Variants in TBC1D32 observed in about 807,000 individuals in gnomAD.
TBC1D32 encodes the protein protein broad-minded.
Under a neutral mutation model 170.3 loss-of-function variants are expected in TBC1D32, and 151 were observed. The ratio of observed to expected loss-of-function variants is 0.89; its 90% CI spans 0.78 to 1.01. The LOEUF (loss-of-function observed/expected upper bound fraction) is 1.01, where lower values mean the gene tolerates loss of function less well. TBC1D32 is among the 50% of genes least tolerant of loss of function. The pLI is 0.00. For missense variants in TBC1D32, 1,464 were observed against 1,457.1 expected (o/e 1.00, Z -0.08); for synonymous variants, 498 against 488.0 (o/e 1.02, Z -0.27).
At chr6:121,221,660 A>G (rs1040390891) in intron 21 of TBC1D32, among the ~76,000 whole-genome samples, 4 of 152,208 alleles carry the variant, frequency 2.6e-5, no homozygotes, top group Middle Eastern at 3.2e-3. Flanking sequence ...AAGTAACTAC[A>G]GACATGGTGG....
chr6:121,168,341 A>C lies in TBC1D32; in HGVS notation c.2571-7285T>G, dbSNP rs1786370141. Among the ~76,000 whole-genome samples the C allele has an allele frequency of 2.1e-5, 3 of 141,746 alleles. No individual in the cohort carries two copies. In the South Asian group the frequency reaches 7.2e-4, roughly 34 times the overall value. 93.0% of individuals were successfully genotyped at this position (141,746 alleles called of 152,430 possible). A position where few individuals can be genotyped will look rare whatever the true frequency, so the allele number is the denominator to read the frequency against. On this transcript the variant is annotated intron_variant, in intron 22 of 31. Transcript: ENST00000398212. ...TGTCCAACAATGATAGACTGGATTA[A>C]GAAAATGTGGCACATATACACCATG...
chr6:121,206,951 A>T (rs111741857), intron 21 of TBC1D32, among the ~76,000 whole-genome samples: 2,188 of 152,304 alleles, frequency 0.014, 14 homozygotes, highest in Middle Eastern at 0.034. Flanking sequence ...GCTACATGAC[A>T]GAGCCACAGA....
At chr6:121,127,468 T>C (rs1029089065) in intron 25 of TBC1D32, among the ~76,000 whole-genome samples, 1 of 152,164 alleles carries the variant, frequency 6.6e-6, no homozygotes, top group African/African-American at 2.4e-5. Flanking sequence ...AAGAATCCAA[T>C]TGTCAAGGGT....
intron 26 of TBC1D32, among the ~76,000 whole-genome samples, chr6:121,120,912 AG>A (rs1780188257): frequency 6.6e-6 from 1 of 152,006 alleles, no homozygotes; most frequent in African/African-American, 2.4e-5. Flanking sequence ...GGTTTGCATT[AG>A]ATATCATTAT....
intron 17 of TBC1D32, among the ~76,000 whole-genome samples, chr6:121,251,002 C>T (rs987790236): frequency 2.0e-5 from 3 of 151,880 alleles, no homozygotes; most frequent in Admixed American, 6.6e-5. Flanking sequence ...AAATAAAATA[C>T]CTAGGAATAC....
At chr6:121,151,589 T>C (rs1354140331) in intron 24 of TBC1D32, among the ~76,000 whole-genome samples, 1 of 152,214 alleles carries the variant, frequency 6.6e-6, no homozygotes, top group African/African-American at 2.4e-5. Flanking sequence ...CTGTCTAATA[T>C]TGACAGTAGG....
intron 20 of TBC1D32, among the ~76,000 whole-genome samples, chr6:121,234,338 G>T (rs1796090085): frequency 6.6e-6 from 1 of 151,946 alleles, no homozygotes; most frequent in Admixed American, 6.6e-5. Flanking sequence ...CTTCTTCCTA[G>T]GGAACACCAA....
intron 1 of TBC1D32, among the ~76,000 whole-genome samples, chr6:121,330,688 C>G (rs1811102822): frequency 6.6e-6 from 1 of 152,170 alleles, no homozygotes; most frequent in African/African-American, 2.4e-5. Flanking sequence ...TCTACCACTT[C>G]CCTCTGCCAA....
At chr6:121,229,464 G>C (rs1033476487) in intron 20 of TBC1D32, among the ~76,000 whole-genome samples, 1 of 152,080 alleles carries the variant, frequency 6.6e-6, no homozygotes, top group African/African-American at 2.4e-5. Context: ...AGTTCAGCCT[G>C]TTCTTCCATC....
intron 30 of TBC1D32, among the ~76,000 whole-genome samples, chr6:121,104,926 A>G (rs977462369): frequency 6.6e-6 from 1 of 151,980 alleles, no homozygotes; most frequent in East Asian, 1.9e-4. Flanking sequence ...ATCTCAAAGT[A>G]TATGTAGTAT....
At chr6:121,168,741 T>C (rs1420336630) in intron 22 of TBC1D32, among the ~76,000 whole-genome samples, 3 of 87,236 alleles carry the variant, frequency 3.4e-5, no homozygotes, top group Admixed American at 3.4e-4. Flanking sequence ...AAAATCAACA[T>C]GCAAAAATCG....
chr6:121,109,562 T>C (rs1779008543), intron 29 of TBC1D32, among the ~76,000 whole-genome samples: 1 of 152,184 alleles, frequency 6.6e-6, no homozygotes, highest in East Asian at 1.9e-4. Context: ...ATTTTATTAA[T>C]GGCTTCAATG....
At chr6:121,090,178 C>T (rs1322951751) in intron 31 of TBC1D32, among the ~76,000 whole-genome samples, 1 of 152,106 alleles carries the variant, frequency 6.6e-6, no homozygotes, top group Non-Finnish European at 1.5e-5. Context: ...GTGATCCGCC[C>T]GTCTCGGCCT....
At chr6:121,322,478 G>T (rs1352385350) in intron 1 of TBC1D32, among the ~76,000 whole-genome samples, 2 of 152,098 alleles carry the variant, frequency 1.3e-5, no homozygotes, top group African/African-American at 4.8e-5. Context: ...ACCACCACTC[G>T]TATAGATTGT....
intron 30 of TBC1D32, among the ~76,000 whole-genome samples, chr6:121,093,627 T>C (rs1235982646): frequency 1.3e-5 from 2 of 152,176 alleles, no homozygotes; most frequent in African/African-American, 2.4e-5. Context: ...ACCATATGCA[T>C]TGGTTAAAGG....
intron 1 of TBC1D32, among the ~76,000 whole-genome samples, chr6:121,323,981 G>C (rs1056767962): frequency 1.3e-5 from 2 of 152,090 alleles, no homozygotes; most frequent in African/African-American, 4.8e-5. Context: ...TAACTACCAT[G>C]CTAAACTCTG....
chr6:121,089,987 G>A (rs2128174633), intron 31 of TBC1D32, among the ~76,000 whole-genome samples: 1 of 150,862 alleles, frequency 6.6e-6, no homozygotes, highest in East Asian at 2.0e-4. Context: ...AGGCTGGAGT[G>A]CAGTGGTGCG....
intron 26 of TBC1D32, among the ~76,000 whole-genome samples, chr6:121,121,443 G>A (rs979760261): frequency 7.9e-5 from 12 of 152,030 alleles, no homozygotes; most frequent in Admixed American, 6.6e-5. Flanking sequence ...CACCCTTACA[G>A]GAAAGATGAT....
chr6:121,225,505 T>C (rs1159703507), intron 20 of TBC1D32, among the ~76,000 whole-genome samples: 1 of 152,076 alleles, frequency 6.6e-6, no homozygotes, highest in Admixed American at 6.6e-5. Flanking sequence ...AAATCACATA[T>C]ATCAATAGTA....
Sources: allele counts gnomAD v4.1 joint callset (sites outside exome capture counted in the v4.1 genomes callset), GRCh38; gene constraint gnomAD v4.1.1; transcripts MANE v1.5; gene names NCBI Gene and HGNC (gene_info 2026-07-23, HGNC 2026-07-21).